NAA25: variants seen among roughly 807,000 people sequenced by gnomAD.
NAA25 encodes the protein N-alpha-acetyltransferase 25, NatB auxiliary subunit, also known as N-terminal acetyltransferase B complex subunit NAA25.
NAA25 carries 30 observed loss-of-function variants against 132.5 expected under a neutral mutation model. The observed-to-expected ratio is 0.23, with a 90% CI of 0.17 to 0.31. The LOEUF is 0.31. Ranked by LOEUF, NAA25 falls within the 10% of genes least tolerant of loss-of-function variation. The pLI, the probability that NAA25 is intolerant of heterozygous loss-of-function variation, is 1.00. For synonymous variants in NAA25, 359 were observed against 401.9 expected, an observed-to-expected ratio of 0.89 and a Z score of 1.28; for missense variants, 771 against 1,150.4, an observed-to-expected ratio of 0.67 and a Z score of 4.77.
At chr12:112,103,439 T>A (rs1322615114) in intron 1 of NAA25, among the ~76,000 whole-genome samples, 1 of 152,208 alleles carries the variant, frequency 6.6e-6, no homozygotes, top group Non-Finnish European at 1.5e-5. Flanking sequence ...GTCTCAGCCA[T>A]CCAATGGTGA....
intron 23 of NAA25, among the ~76,000 whole-genome samples, chr12:112,033,018 T>C (rs559200001): frequency 1.3e-5 from 2 of 152,140 alleles, no homozygotes; most frequent in East Asian, 3.9e-4. Flanking sequence ...CAAAAATGCA[T>C]AGAAAGGAGG....
intron 3 of NAA25, among the ~76,000 whole-genome samples, chr12:112,088,104 G>A (rs1390605877): frequency 6.6e-6 from 1 of 152,124 alleles, no homozygotes; most frequent in Non-Finnish European, 1.5e-5. Context: ...GATTCTCTGG[G>A]ATGTATCATA....
At chr12:112,062,855 C>A (rs1010818445) in intron 11 of NAA25, among the ~76,000 whole-genome samples, 3 of 152,020 alleles carry the variant, frequency 2.0e-5, no homozygotes, top group Non-Finnish European at 2.9e-5. Flanking sequence ...TCAGCCTCGG[C>A]ACATAGTGAG....
intron 19 of NAA25, chr12:112,042,436 G>A (rs1407421488): frequency 1.9e-5 from 3 of 155,588 alleles, no homozygotes; most frequent in East Asian, 3.7e-4. Context: ...AAGGTCTATG[G>A]AGTATTTGTG....
intron 9 of NAA25, among the ~76,000 whole-genome samples, 194 bp from the exon 10 acceptor site, chr12:112,072,258 G>C (rs894963881): frequency 6.6e-6 from 1 of 152,146 alleles, no homozygotes; most frequent in Non-Finnish European, 1.5e-5. Flanking sequence ...TTTGGCATTT[G>C]ATTACTGCAG....
At chr12:112,050,679 C>G (rs1260074203) in intron 15 of NAA25, among the ~76,000 whole-genome samples, 1 of 151,832 alleles carries the variant, frequency 6.6e-6, no homozygotes, top group Admixed American at 6.6e-5. Context: ...CCAACACACC[C>G]AGATAATTTT....
intron 13 of NAA25, among the ~76,000 whole-genome samples, chr12:112,058,119 C>T (rs922492803): frequency 6.6e-6 from 1 of 151,910 alleles, no homozygotes; most frequent in Non-Finnish European, 1.5e-5. Context: ...TACACTCCAG[C>T]CTGGGCAATA....
At chr12:112,078,502 G>T in intron 6 of NAA25, 132 bp downstream of exon 6, 1 of 831,496 alleles carries the variant, frequency 1.2e-6, no homozygotes, top group Non-Finnish European at 1.9e-6. Flanking sequence ...GAGGGCTTCA[G>T]ATTTACCCAA....
Position 112,033,393 on chromosome 12 carries a change from TA to T in NAA25, c.2650-15del, listed in dbSNP as rs749986993. On this transcript the variant is annotated splice_polypyrimidine_tract_variant and intron_variant, in intron 22 of 23. Transcript: ENST00000261745. ...AAAGACAGGTGGCTGGGAAAAAGATTAAAAAAGAGTTGAAACATTATCAAAC... is the reference window on the plus strand; with the variant it reads ...AAAGACAGGTGGCTGGGAAAAAGATTAAAAAGAGTTGAAACATTATCAAAC... 15 of 1,589,756 alleles carry T rather than the reference TA, an allele frequency of 9.4e-6. No individual in the cohort carries two copies. Among genetic ancestry groups the T allele is most frequent in the Non-Finnish European group, 1.1e-5 (13 of 1,172,224 alleles).
chr12:112,098,667 C>T (rs898117975), intron 1 of NAA25, among the ~76,000 whole-genome samples: 3 of 152,186 alleles, frequency 2.0e-5, no homozygotes, highest in African/African-American at 7.2e-5. Context: ...TTGGTTAAAG[C>T]AGTATTTTCC....
intron 7 of NAA25, among the ~76,000 whole-genome samples, chr12:112,077,508 G>T (rs77176084): frequency 0.092 from 13,958 of 151,584 alleles, 712 homozygotes; most frequent in East Asian, 0.23. Flanking sequence ...ATGGAGCCCA[G>T]TGTGGTGGTG....
chr12:112,055,794 AC>A lies in NAA25; in HGVS notation c.1448-1227del, dbSNP rs543611052. On this transcript the variant is annotated intron_variant, in intron 13 of 23. Coordinates refer to ENST00000261745, the MANE Select transcript of NAA25 (RefSeq NM_024953.4). Reference sequence around the variant, plus strand: ...TCCAAAAAAGTGAGATTTTAAGTAAACTACTTTCCAAAATTTATACAAGCTA... The same window carrying A: ...TCCAAAAAAGTGAGATTTTAAGTAAATACTTTCCAAAATTTATACAAGCTA... Among the ~76,000 whole-genome samples the A allele has an allele frequency of 2.6e-3, 392 of 152,324 alleles. 5 individuals carry two copies. Among genetic ancestry groups the A allele is most frequent in the Non-Finnish European group, 2.9e-3 (194 of 68,028 alleles).
At chr12:112,060,073 T>C (rs2078604298) in intron 13 of NAA25, among the ~76,000 whole-genome samples, 197 bp downstream of exon 13, 1 of 152,158 alleles carries the variant, frequency 6.6e-6, no homozygotes, top group Non-Finnish European at 1.5e-5. Context: ...CCTCCCAAAG[T>C]GCTAGGATTA....
intron 11 of NAA25, among the ~76,000 whole-genome samples, chr12:112,061,734 AG>A (rs1221117783): frequency 6.6e-6 from 1 of 152,222 alleles, no homozygotes; most frequent in African/African-American, 2.4e-5. Flanking sequence ...TGAAAACATT[AG>A]GAAGACTATA....
intron 1 of NAA25, among the ~76,000 whole-genome samples, chr12:112,104,081 G>C (rs766013030): frequency 3.3e-5 from 5 of 152,130 alleles, no homozygotes; most frequent in Non-Finnish European, 7.3e-5. Flanking sequence ...CCTGAGCCAG[G>C]CACCCAAGAG....
chr12:112,033,510 A>G, intron 22 of NAA25, 131 bp from the exon 23 acceptor site: 3 of 732,586 alleles, frequency 4.1e-6, no homozygotes, highest in Admixed American at 3.5e-5. Context: ...AAGTGAATGA[A>G]TGGTACTAAA....
intron 10 of NAA25, 146 bp from the exon 11 acceptor site, chr12:112,069,138 T>A (rs576106362): frequency 3.3e-6 from 2 of 602,012 alleles, no homozygotes; most frequent in East Asian, 5.6e-5. Context: ...TCTCAACTAC[T>A]TGTTCAGTTA....
intron 17 of NAA25, among the ~76,000 whole-genome samples, chr12:112,047,227 TTC>T (rs1347833248): frequency 6.8e-6 from 1 of 146,340 alleles, no homozygotes; most frequent in African/African-American, 2.7e-5. Flanking sequence ...TTCATCCTAA[TTC>T]TTTTTTTTTT....
chr12:112,043,286 A>G, intron 18 of NAA25, 75 bp from the exon 19 acceptor site: 2 of 1,458,338 alleles, frequency 1.4e-6, no homozygotes, highest in Non-Finnish European at 1.8e-6. Context: ...TCAGGTAACT[A>G]GTAGATAAAA....
Sources: allele counts gnomAD v4.1 joint callset (sites outside exome capture counted in the v4.1 genomes callset), GRCh38; gene constraint gnomAD v4.1.1; transcripts MANE v1.5; gene names NCBI Gene and HGNC (gene_info 2026-07-23, HGNC 2026-07-21).